The following GP5 variants were observed in gnomAD, a reference collection of about 807,000 sequenced individuals.
GP5 encodes the protein platelet glycoprotein V.
For missense variants in GP5, 755 were observed against 737.1 expected, an observed-to-expected ratio of 1.02 and a Z score of -0.28; for synonymous variants, 382 against 353.9, an observed-to-expected ratio of 1.08 and a Z score of -0.89.
rs544389967 is a variant in GP5, at chr3:194,395,843, A to G, written c.*757T>C. ...AGTTCAAGACCAGGAGTTTGAGATC[A>G]GCCAGGCCAATATGGCAAAGCCCCG... On this transcript the variant is annotated 3_prime_UTR_variant, in exon 2 of 2. Transcript: ENST00000692618. 62 of 152,558 alleles carry G rather than the reference A, an allele frequency of 4.1e-4. No homozygotes were observed. Among genetic ancestry groups the G allele is most frequent in the African/African-American group, 1.4e-3 (60 of 41,596 alleles). The allele number at this position is 152,558 out of a possible 1,614,324, so 9.5% of individuals were successfully genotyped here.
In GP5 at chr3:194,395,672, T is replaced by G. The variant is rs983618621; in HGVS notation, c.*928A>C. ...AAGTAGCCCATAGGTCAGAGAGACA[T>G]AAAGTGAGAAAAATGGAGCAAGGGA... On this transcript the variant is annotated 3_prime_UTR_variant, in exon 2 of 2. Coordinates refer to ENST00000692618, the MANE Select transcript of GP5 (RefSeq NM_004488.2). The G allele has an allele frequency of 2.6e-5, 4 of 152,280 alleles. No homozygotes were observed. The highest frequency in any genetic ancestry group is 5.9e-5 in the Non-Finnish European group (4 of 68,134). The allele number at this position is 152,280 out of a possible 1,614,324, so 9.4% of individuals were successfully genotyped here. A position where few individuals can be genotyped will look rare whatever the true frequency, so the allele number is the denominator to read the frequency against.
chr3:194,398,752 C>T (rs1285614714), intron 1 of GP5, among the ~76,000 whole-genome samples: 2 of 152,166 alleles, frequency 1.3e-5, no homozygotes, highest in East Asian at 3.9e-4. Flanking sequence ...ATGCTATTTC[C>T]ACAGTACCAA....
chr3:194,396,143 CACAA>C lies in GP5; in HGVS notation c.*453_*456del, dbSNP rs1445529932. On this transcript the variant is annotated 3_prime_UTR_variant, in exon 2 of 2. Transcript: ENST00000692618. Reference sequence around the variant, plus strand: ...TGTTCCTTTATCCACGCATTGATTTCACAAACATTTACCGGCTTACTCTGTGCAG... The same window carrying C: ...TGTTCCTTTATCCACGCATTGATTTCACATTTACCGGCTTACTCTGTGCAG... 6.4e-6 allele frequency: 1 copy of C among 155,722 alleles called. No individual in the cohort carries two copies. Among genetic ancestry groups the C allele is most frequent in the Admixed American group, 6.4e-5 (1 of 15,544 alleles). The allele number at this position is 155,722 out of a possible 1,614,324, so 9.6% of individuals were successfully genotyped here. A position where few individuals can be genotyped will look rare whatever the true frequency, so the allele number is the denominator to read the frequency against.
rs1714445619 is a variant in GP5, at chr3:194,396,151, T to TTAC, written c.*448_*449insGTA. ...TATCCACGCATTGATTTCACAAACA[T>TTAC]TTACCGGCTTACTCTGTGCAGGAGA... is the stretch of plus-strand genomic sequence containing the variant. On this transcript the variant is annotated 3_prime_UTR_variant, in exon 2 of 2. Coordinates refer to ENST00000692618, the MANE Select transcript of GP5 (RefSeq NM_004488.2). 1 of 156,882 alleles carries TTAC rather than the reference T, an allele frequency of 6.4e-6. No individual in the cohort carries two copies. Among genetic ancestry groups the TTAC allele is most frequent in the Non-Finnish European group, 1.4e-5 (1 of 71,294 alleles). 9.7% of individuals were successfully genotyped at this position (156,882 alleles called of 1,614,324 possible).
rs748709308 is a variant in GP5 at position 194,395,079 on chromosome 3, C to CT, written c.*1520dup. 2.0e-5 allele frequency: 3 copies of CT among 152,186 alleles called. No individual in the cohort carries two copies. The highest frequency in any genetic ancestry group is 4.4e-5 in the Non-Finnish European group (3 of 68,036). The allele number at this position is 152,186 out of a possible 1,614,324, so 9.4% of individuals were successfully genotyped here. ...GGCCGCTGGGCTAAGTCATTATATG[C>CT]TTTATTGCCTTTAATTCTCACAAAA... On this transcript the variant is annotated 3_prime_UTR_variant, in exon 2 of 2. Coordinates refer to ENST00000692618, the MANE Select transcript of GP5 (RefSeq NM_004488.2).
rs200675342 is a variant in GP5, at chr3:194,396,864, C to T, written c.1419G>A (p.Pro473=). ...GGCGGGGAGGCGGGCCCCGGGGGCCCGGGCACTCCGCGTCACCCCCCGGCA... is the reference window on the plus strand; with the variant it reads ...GGCGGGGAGGCGGGCCCCGGGGGCCTGGGCACTCCGCGTCACCCCCCGGCA... ...WALPGGDAEC[P]GPRGPPPRPA... is the part of the protein sequence containing the mutation. The change falls in exon 2 of 2, where the codon CCG becomes CCA. Residue 473 remains proline (P), a synonymous_variant. Transcript: ENST00000692618. 16 of 1,544,180 alleles carry T rather than the reference C, an allele frequency of 1.0e-5. No homozygotes were observed. Among genetic ancestry groups the T allele is most frequent in the Admixed American group, 2.1e-5 (1 of 47,958 alleles).
In GP5 at chr3:194,396,627, T is replaced by C. The variant is rs1714463561; in HGVS notation, c.1656A>G (p.Lys552=). 6.2e-7 allele frequency: 1 copy of C among 1,611,902 alleles called. No individual in the cohort carries two copies. Among genetic ancestry groups the C allele is most frequent in the South Asian group, 1.1e-5 (1 of 90,826 alleles). ...ACCCAAGGGCTCTCTCTCTGATTAA[T>C]TTTCGAAAGAGTTGGCCAATTTTAA... The part of the protein sequence containing the change: ...AMIKIGQLFR[K]LIRERALG The change falls in exon 2 of 2, where the codon AAA becomes AAG. Residue 552 remains lysine (K), a synonymous_variant. Transcript: ENST00000692618.
chr3:194,397,622 T>C lies in GP5; in HGVS notation c.661A>G (p.Thr221Ala). 1 of 1,613,838 alleles carries C rather than the reference T, an allele frequency of 6.2e-7. No homozygotes were observed. The highest frequency in any genetic ancestry group is 8.5e-7 in the Non-Finnish European group (1 of 1,179,966). Residue 221 changes from threonine to alanine, a missense_variant, in exon 2 of 2, where the codon ACG (threonine) becomes GCG (alanine). Physicochemically the swap from Thr to Ala is moderately conservative, Grantham distance 58. Transcript: ENST00000692618. This position sits in a 1 kb window ranked among gnomAD's most constrained non-coding sequence, Gnocchi z 7.2. ...SGLLNSLGAL[T>A]ELQFHRNHIR... ...TGATTTCGGTGGAACTGCAGCTCCG[T>C]CAGGGCGCCCAGGCTGTTCAACAGC... is the stretch of plus-strand genomic sequence containing the variant.
rs1445665309 is a variant in GP5, at chr3:194,397,079, G to A, written c.1204C>T (p.Leu402=). 1.9e-6 allele frequency: 3 copies of A among 1,595,560 alleles called. No homozygotes were observed. Among genetic ancestry groups the A allele is most frequent in the Non-Finnish European group, 2.5e-6 (3 of 1,178,364 alleles). ...VQLDHNQLET[L]PGDVFGALPR... ...AGAGCCCCAAACACGTCGCCAGGCAGGGTCTCCAGCTGGTTGTGGTCGAGC... is the reference window on the plus strand; with the variant it reads ...AGAGCCCCAAACACGTCGCCAGGCAAGGTCTCCAGCTGGTTGTGGTCGAGC... Residue 402 remains leucine, a synonymous_variant, in exon 2 of 2, where the codon CTG becomes TTG. Transcript: ENST00000692618. This position sits in a 1 kb window ranked among gnomAD's most constrained non-coding sequence, Gnocchi z 7.2.
chr3:194,398,365 G>T, intron 1 of GP5, 81 bp from the exon 2 acceptor site: 1 of 1,312,068 alleles, frequency 7.6e-7, no homozygotes, highest in Non-Finnish European at 1.0e-6. Context: ...TGCACTTTGT[G>T]CAGAGGCACA....
intron 1 of GP5, among the ~76,000 whole-genome samples, chr3:194,398,545 ATACTT>A (rs1310718906): frequency 3.3e-5 from 5 of 152,250 alleles, no homozygotes; most frequent in African/African-American, 9.6e-5. Flanking sequence ...CGAATAGCCA[ATACTT>A]TAAAGTCCTT....
At position 194,397,015 on chromosome 3, in the gene GP5, C is replaced by T; in HGVS notation, c.1268G>A (p.Trp423Ter). Residue 423 changes from tryptophan to a stop codon, truncating the protein, a stop_gained, in exon 2 of 2, where the codon TGG becomes TAG. Coordinates refer to ENST00000692618, the MANE Select transcript of GP5 (RefSeq NM_004488.2). LOFTEE classifies it low-confidence loss of function (END_TRUNC). The surrounding 1 kb of genome is among the most constrained non-coding windows in gnomAD (Gnocchi z 7.2). ...LTEVLLGHNS[W>*]RCDCGLGPFL... is the part of the protein sequence containing the mutation. ...GGGCCCCAGGCCACAGTCGCAGCGCCAGGAGTTGTGCCCCAACAGGACCTC... is the reference window on the plus strand; with the variant it reads ...GGGCCCCAGGCCACAGTCGCAGCGCTAGGAGTTGTGCCCCAACAGGACCTC... The T allele has an allele frequency of 6.3e-7, 1 of 1,597,264 alleles. No homozygotes were observed. The highest frequency in any genetic ancestry group is 8.5e-7 in the Non-Finnish European group (1 of 1,178,458).
In GP5 at chr3:194,398,174, C is replaced by T. The variant is rs1269970387; in HGVS notation, c.109G>A (p.Gly37Arg). 2 of 1,612,720 alleles carry T rather than the reference C, an allele frequency of 1.2e-6. No homozygotes were observed. Among genetic ancestry groups the T allele is most frequent in the African/African-American group, 1.3e-5 (1 of 74,926 alleles). ...GCGGAGATGCGCGCCACGTCGCCCC[C>T]CGAGCACTGCGCGGCGTCCCGGAAG... is the stretch of plus-strand genomic sequence containing the variant. ...CVFRDAAQCS[G>R]GDVARISALG... The change falls in exon 2 of 2, where the codon GGG (glycine) becomes AGG (arginine). Residue 37 changes from glycine (G) to arginine (R), a missense_variant. Coordinates refer to ENST00000692618, the MANE Select transcript of GP5 (RefSeq NM_004488.2).
Position 194,397,355 on chromosome 3 carries a change from A to AG in GP5, c.927dup (p.Phe310LeufsTer160), listed in dbSNP as rs1714493455. 3.1e-6 allele frequency: 5 copies of AG among 1,604,762 alleles called. No individual in the cohort carries two copies. The highest frequency in any genetic ancestry group is 8.5e-7 in the Non-Finnish European group (1 of 1,178,458). On this transcript the variant is annotated frameshift_variant, in exon 2 of 2. Transcript: ENST00000692618. LOFTEE classifies it low-confidence loss of function (END_TRUNC). This position sits in a 1 kb window ranked among gnomAD's most constrained non-coding sequence, Gnocchi z 7.2. The stretch of plus-strand genomic sequence containing the variant: ...TACCGCAGGCGGCTCAGGTTGCGGA[A>AG]GGCGGCGGCGGGCAGGGTGCGCAGC...
rs771742761 is a variant in GP5 at position 194,396,629 on chromosome 3, T to G, written c.1654A>C (p.Lys552Gln). 39 of 1,611,874 alleles carry G rather than the reference T, an allele frequency of 2.4e-5. No individual in the cohort carries two copies. Among genetic ancestry groups the G allele is most frequent in the Non-Finnish European group, 3.2e-5 (38 of 1,178,618 alleles). ...CCAAGGGCTCTCTCTCTGATTAATT[T>G]TCGAAAGAGTTGGCCAATTTTAATC... ...AMIKIGQLFR[K>Q]LIRERALG The change falls in exon 2 of 2, where the codon AAA (lysine) becomes CAA (glutamine). Residue 552 changes from lysine (K) to glutamine (Q), a missense_variant. By Grantham distance (53) the Lys-to-Gln change is moderately conservative (BLOSUM62 1). Coordinates refer to ENST00000692618, the MANE Select transcript of GP5 (RefSeq NM_004488.2).
At chr3:194,398,362 T>A in intron 1 of GP5, 78 bp from the exon 2 acceptor site, 1 of 1,317,844 alleles carries the variant, frequency 7.6e-7, no homozygotes, top group Non-Finnish European at 1.0e-6. Flanking sequence ...TCCTGCACTT[T>A]GTGCAGAGGC....
At position 194,398,209 on chromosome 3, in the gene GP5, C is replaced by T. The variant is rs1714519862; in HGVS notation, c.74G>A (p.Cys25Tyr). 1 of 1,612,608 alleles carries T rather than the reference C, an allele frequency of 6.2e-7. No homozygotes were observed. Among genetic ancestry groups the T allele is most frequent in the Admixed American group, 1.7e-5 (1 of 59,968 alleles). ...CGCGGCGTCCCGGAAGACACACTTG[C>T]AAGCTGGCGGACAGGGGAAGGGCTG... ...RAQPFPCPPA[C>Y]KCVFRDAAQC... Residue 25 changes from cysteine to tyrosine, a missense_variant, in exon 2 of 2, where the codon TGC (cysteine) becomes TAC (tyrosine). By Grantham distance (194) the Cys-to-Tyr change is radical. Transcript: ENST00000692618.
intron 1 of GP5, among the ~76,000 whole-genome samples, chr3:194,398,846 T>A (rs1050073431): frequency 2.0e-5 from 3 of 152,234 alleles, no homozygotes; most frequent in African/African-American, 7.2e-5. Context: ...CCTATCACTT[T>A]ACGCCATGCA....
rs2108671508 is a variant in GP5 at position 194,396,641 on chromosome 3, G to C, written c.1642C>G (p.Gln548Glu). 1 of 1,612,188 alleles carries C rather than the reference G, an allele frequency of 6.2e-7. No individual in the cohort carries two copies. The highest frequency in any genetic ancestry group is 8.5e-7 in the Non-Finnish European group (1 of 1,178,630). ...TCTCTGATTAATTTTCGAAAGAGTT[G>C]GCCAATTTTAATCATAGCAAACACG... ...IIVFAMIKIG[Q>E]LFRKLIRERA... is the part of the protein sequence containing the mutation. Residue 548 changes from glutamine (Q) to glutamate (E), a missense_variant, in exon 2 of 2, where the codon CAA becomes GAA. Physicochemically the swap from Gln to Glu is conservative, Grantham distance 29. Transcript: ENST00000692618.
Sources: gnomAD v4.1 joint callset for allele counts (sites outside exome capture counted in the v4.1 genomes callset) on GRCh38, gnomAD v4.1.1 for gene constraint, Gnocchi (gnomAD v3.1) non-coding constraint, MANE v1.5 for transcripts, NCBI Gene and HGNC (gene_info 2026-07-23, HGNC 2026-07-21) for gene names.